The following EML4 variants were observed in gnomAD, a reference collection of about 807,000 sequenced individuals.
EML4 encodes the protein EMAP like 4.
Under a neutral mutation model 129.0 loss-of-function variants are expected in EML4, and 72 were observed. The ratio of observed to expected loss-of-function variants is 0.56; its 90% CI spans 0.46 to 0.68. The LOEUF (loss-of-function observed/expected upper bound fraction) is 0.68, where lower values mean the gene tolerates loss of function less well. EML4 is among the 30% of genes least tolerant of loss of function. The pLI is 0.00. For missense variants in EML4, 1,363 were observed against 1,190.6 expected, an observed-to-expected ratio of 1.14 and a Z score of -2.13; for synonymous variants, 532 against 405.0, an observed-to-expected ratio of 1.31 and a Z score of -3.77.
chr2:42,253,555 C>T (rs925892824), intron 2 of EML4, among the ~76,000 whole-genome samples: 4 of 152,076 alleles, frequency 2.6e-5, no homozygotes, highest in African/African-American at 9.7e-5. Context: ...GGTAAAACTG[C>T]AAGAAGAGAG....
rs960770099 is a variant in EML4, at chr2:42,185,109, T to C, written c.25+15473T>C. 5.3e-5 allele frequency among the ~76,000 whole-genome samples: 8 copies of C among 152,322 alleles called. No individual in the cohort carries two copies. The East Asian group carries it at 1.5e-3, about 29-fold the overall frequency. On this transcript the variant is annotated intron_variant, in intron 1 of 22. Transcript: ENST00000318522. ...ATAATACCTGAGCATATATTGATTT[T>C]TTTTTTCATTTTATAAAGAAACTGA...
intron 19 of EML4, among the ~76,000 whole-genome samples, chr2:42,319,026 T>TA (rs1281857647): frequency 9.2e-4 from 139 of 151,258 alleles, no homozygotes; most frequent in African/African-American, 2.9e-3. Flanking sequence ...CAACCTTTTT[T>TA]AAAAAAAAAG....
chr2:42,178,500 G>A (rs963992802), intron 1 of EML4, among the ~76,000 whole-genome samples: 1 of 152,074 alleles, frequency 6.6e-6, no homozygotes, highest in Non-Finnish European at 1.5e-5. Flanking sequence ...GCTATGATAT[G>A]CCACTGCACT....
Position 42,188,509 on chromosome 2 carries a change from C to T in EML4, c.25+18873C>T, listed in dbSNP as rs1392611450. ...AGTGCTGGGATTACAGGCCGTGAACCACTGCTCCTGGGTACTTATATTTTA... is the reference window on the plus strand; with the variant it reads ...AGTGCTGGGATTACAGGCCGTGAACTACTGCTCCTGGGTACTTATATTTTA... On this transcript the variant is annotated intron_variant, in intron 1 of 22. Coordinates refer to ENST00000318522, the MANE Select transcript of EML4 (RefSeq NM_019063.5). Among the ~76,000 whole-genome samples, 5 of 151,806 alleles carry T rather than the reference C, an allele frequency of 3.3e-5. No homozygotes were observed. In the East Asian group the frequency reaches 9.7e-4, roughly 30 times the overall value.
At chr2:42,209,746 A>T (rs1047088596) in intron 1 of EML4, among the ~76,000 whole-genome samples, 1 of 152,172 alleles carries the variant, frequency 6.6e-6, no homozygotes, top group Non-Finnish European at 1.5e-5. Flanking sequence ...CCTGACCAAC[A>T]CGGAGAAACC....
intron 1 of EML4, among the ~76,000 whole-genome samples, chr2:42,242,437 T>G (rs1675096786): frequency 6.6e-6 from 1 of 152,180 alleles, no homozygotes; most frequent in South Asian, 2.1e-4. Context: ...GGCCAAGGCT[T>G]CAGAGAGTAT....
At chr2:42,262,887 A>G in intron 4 of EML4, among the ~76,000 whole-genome samples, 1 of 152,338 alleles carries the variant, frequency 6.6e-6, no homozygotes, top group East Asian at 1.9e-4. Flanking sequence ...AAGAAACATT[A>G]CTCAGATGTA....
chr2:42,222,703 C>T (rs1026383284), intron 1 of EML4, among the ~76,000 whole-genome samples: 8 of 152,098 alleles, frequency 5.3e-5, no homozygotes, highest in Non-Finnish European at 1.2e-4. Flanking sequence ...TTATCTTTTG[C>T]TTACTGGAAA....
At chr2:42,179,776 A>C (rs777292884) in intron 1 of EML4, among the ~76,000 whole-genome samples, 14 of 151,818 alleles carry the variant, frequency 9.2e-5, no homozygotes, top group Non-Finnish European at 1.6e-4. Context: ...CTAGTTTTGT[A>C]TTTTTAGTAG....
At chr2:42,194,181 A>G (rs1051212463) in intron 1 of EML4, among the ~76,000 whole-genome samples, 5 of 151,420 alleles carry the variant, frequency 3.3e-5, no homozygotes, top group Non-Finnish European at 5.9e-5. Context: ...CTTATTTGAA[A>G]TGGGATATCC....
chr2:42,218,642 A>G (rs1420242233), intron 1 of EML4, among the ~76,000 whole-genome samples: 1 of 152,118 alleles, frequency 6.6e-6, no homozygotes, highest in Non-Finnish European at 1.5e-5. Flanking sequence ...AATTTGCCCT[A>G]TCATAGTTAG....
chr2:42,288,279 C>G lies in EML4; in HGVS notation c.1175C>G (p.Thr392Ser). The G allele has an allele frequency of 6.4e-7, 1 of 1,573,694 alleles. No individual in the cohort carries two copies. The highest frequency in any genetic ancestry group is 8.7e-7 in the Non-Finnish European group (1 of 1,148,444). ...IIDDSNEHML[T>S]VWDWQKKAKG... Reference sequence around the variant, plus strand: ...GATGACTCCAATGAGCATATGCTTACTGTATGGGACTGGCAGAAGAAAGCA... The same window carrying G: ...GATGACTCCAATGAGCATATGCTTAGTGTATGGGACTGGCAGAAGAAAGCA... Residue 392 changes from threonine to serine, a missense_variant, in exon 11 of 23, where the codon ACT becomes AGT. Physicochemically the swap from Thr to Ser is moderately conservative, Grantham distance 58 (BLOSUM62 1). Coordinates refer to ENST00000318522, the MANE Select transcript of EML4 (RefSeq NM_019063.5).
chr2:42,278,424 A>G (rs1034047912), intron 6 of EML4, among the ~76,000 whole-genome samples: 1 of 152,014 alleles, frequency 6.6e-6, no homozygotes, highest in African/African-American at 2.4e-5. Context: ...AAATGCAAAA[A>G]TGAGCCAGTT....
intron 19 of EML4, among the ~76,000 whole-genome samples, chr2:42,323,110 G>C (rs984499571): frequency 2.0e-5 from 3 of 152,104 alleles, no homozygotes; most frequent in Admixed American, 6.5e-5. Context: ...ACAAAGCTTT[G>C]CACAAAGATG....
chr2:42,193,396 G>A (rs1434566595), intron 1 of EML4, among the ~76,000 whole-genome samples: 1 of 150,730 alleles, frequency 6.6e-6, no homozygotes, highest in Non-Finnish European at 1.5e-5. Context: ...AGTAGAAGCT[G>A]GTTTTTAGAT....
intron 22 of EML4, 68 bp downstream of exon 22, chr2:42,329,084 C>A: frequency 1.3e-6 from 2 of 1,499,220 alleles, no homozygotes; most frequent in Non-Finnish European, 1.8e-6. Flanking sequence ...GCATCCATAG[C>A]AAGAAAATAT....
chr2:42,204,154 A>G (rs1000366815), intron 1 of EML4, among the ~76,000 whole-genome samples: 1 of 152,130 alleles, frequency 6.6e-6, no homozygotes, highest in Non-Finnish European at 1.5e-5. Context: ...TCCTGGGCTC[A>G]AGTGATCCTC....
chr2:42,220,797 T>C (rs1385229033), intron 1 of EML4, among the ~76,000 whole-genome samples: 5 of 152,144 alleles, frequency 3.3e-5, no homozygotes, highest in Non-Finnish European at 5.9e-5. Context: ...GCTACTCCAG[T>C]GAACATATGA....
intron 7 of EML4, among the ~76,000 whole-genome samples, chr2:42,282,252 T>A (rs1305476347): frequency 6.6e-6 from 1 of 152,058 alleles, no homozygotes; most frequent in Non-Finnish European, 1.5e-5. Context: ...CAGAACTGAA[T>A]GTTCACCATT....
Sources: allele counts gnomAD v4.1 joint callset (sites outside exome capture counted in the v4.1 genomes callset), GRCh38; gene constraint gnomAD v4.1.1; transcripts MANE v1.5; gene names NCBI Gene and HGNC (gene_info 2026-07-23, HGNC 2026-07-21).